FBXO9: variants seen among roughly 807,000 people sequenced by gnomAD.
FBXO9 encodes the protein F-box protein 9, also known as F-box only protein 9.
In FBXO9, 43 loss-of-function variants were observed where a neutral mutation model predicts 63.7. That is an observed-to-expected ratio of 0.67 (90% CI 0.53 to 0.87). The LOEUF (loss-of-function observed/expected upper bound fraction) is 0.87. Ranked by LOEUF, FBXO9 falls within the 40% of genes least tolerant of loss-of-function variation. FBXO9 has a pLI of 0.00. For synonymous variants in FBXO9, 156 were observed against 171.7 expected, an observed-to-expected ratio of 0.91 and a Z score of 0.72; for missense variants, 442 against 533.2, an observed-to-expected ratio of 0.83 and a Z score of 1.68.
chr6:53,077,781 G>C (rs1010146028), intron 4 of FBXO9, among the ~76,000 whole-genome samples: 4 of 152,140 alleles, frequency 2.6e-5, no homozygotes, highest in African/African-American at 9.7e-5. Flanking sequence ...TCAAGTCCCT[G>C]TGCAGCCTTC....
At chr6:53,087,144 C>G (rs1762911456) in intron 7 of FBXO9, among the ~76,000 whole-genome samples, 1 of 151,908 alleles carries the variant, frequency 6.6e-6, no homozygotes, top group African/African-American at 2.4e-5. Flanking sequence ...GAGTTCGAGA[C>G]CAGCCTGAGC....
intron 1 of FBXO9, chr6:53,066,063 A>G: frequency 8.2e-7 from 1 of 1,218,054 alleles, no homozygotes; most frequent in African/African-American, 1.6e-5. Flanking sequence ...ACAGCCGGGG[A>G]AAATGTCCCT....
intron 1 of FBXO9, among the ~76,000 whole-genome samples, chr6:53,067,593 T>C (rs1236303224): frequency 1.3e-5 from 2 of 152,104 alleles, no homozygotes; most frequent in Non-Finnish European, 2.9e-5. Flanking sequence ...CAGTTTAGAA[T>C]GACTGCTAGG....
intron 11 of FBXO9, chr6:53,094,948 A>G (rs1763163580): frequency 5.0e-6 from 1 of 201,268 alleles, no homozygotes; most frequent in African/African-American, 2.4e-5. Context: ...AATATGATGA[A>G]ATATTCATAG....
chr6:53,079,027 A>T, intron 5 of FBXO9, 129 bp downstream of exon 5: 1 of 483,088 alleles, frequency 2.1e-6, no homozygotes, highest in Non-Finnish European at 3.4e-6. Context: ...TTGTTTATAA[A>T]GTTGTAGAAA....
chr6:53,068,773 C>T (rs1307176615), intron 1 of FBXO9, among the ~76,000 whole-genome samples: 5 of 151,852 alleles, frequency 3.3e-5, no homozygotes, highest in Non-Finnish European at 5.9e-5. Flanking sequence ...TCACCTCAGC[C>T]TCCCGAGTAG....
intron 10 of FBXO9, 88 bp from the exon 11 acceptor site, chr6:53,093,797 A>G (rs1395189617): frequency 9.3e-7 from 1 of 1,071,782 alleles, no homozygotes; most frequent in East Asian, 2.6e-5. Flanking sequence ...TTCAAGCAAG[A>G]GTAAACACTG....
At chr6:53,068,553 A>G (rs1031020864) in intron 1 of FBXO9, among the ~76,000 whole-genome samples, 6 of 152,270 alleles carry the variant, frequency 3.9e-5, no homozygotes, top group South Asian at 2.1e-4. Flanking sequence ...TTCCTAGTAC[A>G]TATAAAATAC....
rs369518626 is a variant in FBXO9, at chr6:53,078,885, G to A, written c.394G>A (p.Val132Ile). The change falls in exon 5 of 13, where the codon GTT (valine) becomes ATT (isoleucine). Residue 132 changes from valine (V) to isoleucine (I), a missense_variant. By Grantham distance (29) the Val-to-Ile change is conservative (BLOSUM62 3). Around this residue, in one of 2 missense-constraint regions of FBXO9, gnomAD observed 180 missense variants for 171.1 expected, o/e 1.05. Coordinates refer to ENST00000323557, the MANE Select transcript of FBXO9 (RefSeq NM_033480.3). Reference protein sequence around the residue: ...TYTRSPDGDGVGNSYIEDNDD... With the variant: ...TYTRSPDGDGIGNSYIEDNDD... ...TACCCGGTCTCCAGATGGTGATGGCGTTGGAAACAGCTAGTGCGTATATAA... is the reference window on the plus strand; with the variant it reads ...TACCCGGTCTCCAGATGGTGATGGCATTGGAAACAGCTAGTGCGTATATAA... 1.7e-4 allele frequency: 277 copies of A among 1,612,768 alleles called. No homozygotes were observed. Among genetic ancestry groups the A allele is most frequent in the Middle Eastern group, 3.3e-4 (2 of 6,082 alleles).
At position 53,098,142 on chromosome 6, in the gene FBXO9, C is replaced by T. The variant is rs917589573; in HGVS notation, c.*312C>T. Reference sequence around the variant, plus strand: ...TGAGAAACCTTAATATGAGGTTTATCATGCCCTTTTTCAAGCAGATTTATG... The same window carrying T: ...TGAGAAACCTTAATATGAGGTTTATTATGCCCTTTTTCAAGCAGATTTATG... On this transcript the variant is annotated 3_prime_UTR_variant, in exon 13 of 13. Coordinates refer to ENST00000323557, the MANE Select transcript of FBXO9 (RefSeq NM_033480.3). The T allele has an allele frequency of 4.0e-5, 15 of 379,456 alleles. No individual in the cohort carries two copies. Among genetic ancestry groups the T allele is most frequent in the Admixed American group, 1.1e-4 (4 of 37,090 alleles). 23.5% of individuals were successfully genotyped at this position (379,456 alleles called of 1,614,324 possible).
At chr6:53,066,754 A>G (rs1409929012) in intron 1 of FBXO9, among the ~76,000 whole-genome samples, 2 of 152,244 alleles carry the variant, frequency 1.3e-5, no homozygotes, top group Non-Finnish European at 2.9e-5. Context: ...CATGATGAAG[A>G]CATGGACTAC....
chr6:53,081,064 G>T lies in FBXO9; in HGVS notation c.504G>T (p.Gln168His). Residue 168 changes from glutamine to histidine, a missense_variant, in exon 6 of 13, where the codon CAG becomes CAT. Physicochemically the swap from Gln to His is conservative, Grantham distance 24. Around this residue, in one of 2 missense-constraint regions of FBXO9, gnomAD observed 262 missense variants for 362.1 expected, o/e 0.72. Transcript: ENST00000323557. ...TFQESVLKLC[Q>H]PELESSQIHI... The stretch of plus-strand genomic sequence containing the variant: ...AGGAGTCTGTGCTTAAACTGTGTCA[G>T]CCTGAGCTTGAGAGCAGTCAGATTC... 6.2e-7 allele frequency: 1 copy of T among 1,612,798 alleles called. No individual in the cohort carries two copies. Among genetic ancestry groups the T allele is most frequent in the Non-Finnish European group, 8.5e-7 (1 of 1,179,852 alleles).
intron 1 of FBXO9, chr6:53,066,230 C>A (rs527641444): frequency 1.2e-6 from 1 of 857,298 alleles, no homozygotes; most frequent in Non-Finnish European, 1.4e-6. Flanking sequence ...TGCGGAAAAG[C>A]CAGGCCCACC....
intron 1 of FBXO9, among the ~76,000 whole-genome samples, chr6:53,066,772 CATGAGCT>C (rs1333041003): frequency 6.6e-6 from 1 of 152,190 alleles, no homozygotes; most frequent in Non-Finnish European, 1.5e-5. Flanking sequence ...TACTCATACA[CATGAGCT>C]ATTCAAGTGA....
intron 12 of FBXO9, among the ~76,000 whole-genome samples, chr6:53,097,315 A>G (rs1358975802): frequency 6.6e-6 from 1 of 152,198 alleles, no homozygotes; most frequent in African/African-American, 2.4e-5. Flanking sequence ...AAAATCACAT[A>G]ATTTTTAATT....
intron 3 of FBXO9, chr6:53,073,874 C>T (rs1412037665): frequency 6.8e-6 from 2 of 295,226 alleles, no homozygotes; most frequent in Non-Finnish European, 1.2e-5. Context: ...ACACTGTCTT[C>T]ATTGAGCTGT....
intron 1 of FBXO9, chr6:53,066,252 C>A: frequency 3.5e-6 from 2 of 576,510 alleles, no homozygotes; most frequent in Non-Finnish European, 4.4e-6. Context: ...ACAGTCCCTG[C>A]CGGCACCTTG....
In FBXO9 at chr6:53,095,646, C is replaced by T. The variant is rs760410525; in HGVS notation, c.1187C>T (p.Ser396Phe). The change falls in exon 12 of 13, where the codon TCT becomes TTT. Residue 396 changes from serine (S) to phenylalanine (F), a missense_variant. Ser to Phe is a radical substitution (Grantham distance 155). Transcript: ENST00000323557. The stretch of plus-strand genomic sequence containing the variant: ...AACAAACTCATCTGGATACATCATT[C>T]TTGTCACATTACTTACAAGTAGGTG... ...RFNKLIWIHH[S>F]CHITYKSTGE... 10 of 1,610,420 alleles carry T rather than the reference C, an allele frequency of 6.2e-6. No individual in the cohort carries two copies. Among genetic ancestry groups the T allele is most frequent in the Middle Eastern group, 1.6e-4 (1 of 6,072 alleles).
chr6:53,095,735 A>G, intron 12 of FBXO9, 71 bp downstream of exon 12: 2 of 1,401,104 alleles, frequency 1.4e-6, no homozygotes. Context: ...TAAGAATTTC[A>G]GATATGTTTC....
Sources: gnomAD v4.1 joint callset for allele counts (sites outside exome capture counted in the v4.1 genomes callset) on GRCh38, gnomAD v4.1.1 for gene constraint, gnomAD v4.1.1 regional missense constraint, MANE v1.5 for transcripts, NCBI Gene and HGNC (gene_info 2026-07-23, HGNC 2026-07-21) for gene names.